Variants in NOVA1 observed in about 807,000 individuals in gnomAD.
NOVA1 encodes the protein NOVA alternative splicing regulator 1.
NOVA1 carries 7 observed loss-of-function variants against 38.0 expected under a neutral mutation model. The observed-to-expected ratio is 0.18, with a 90% CI of 0.10 to 0.35. The LOEUF (loss-of-function observed/expected upper bound fraction) is 0.35, where lower values mean the gene tolerates loss of function less well. NOVA1 is among the 10% of genes least tolerant of loss of function. The pLI, the probability that NOVA1 is intolerant of heterozygous loss-of-function variation, is 1.00. For missense variants in NOVA1, 460 were observed against 616.0 expected (o/e 0.75, Z 2.68); for synonymous variants, 270 against 232.5 (o/e 1.16, Z -1.47).
At chr14:26,549,461 C>A in intron 2 of NOVA1, 2 of 172,132 alleles carry the variant, frequency 1.2e-5, no homozygotes, top group South Asian at 1.4e-4. Context: ...TTGATAAAAG[C>A]ATTTTAGTTT....
At chr14:26,528,025 T>C (rs1889426278) in intron 2 of NOVA1, among the ~76,000 whole-genome samples, 1 of 152,150 alleles carries the variant, frequency 6.6e-6, no homozygotes, top group Admixed American at 6.5e-5. Context: ...GTTCTAAGTG[T>C]GGCAATTCCC....
intron 2 of NOVA1, among the ~76,000 whole-genome samples, chr14:26,518,314 G>C (rs1482983947): frequency 2.6e-5 from 4 of 151,760 alleles, no homozygotes; most frequent in Non-Finnish European, 5.9e-5. Context: ...CTGTAGTTTA[G>C]TACACTTATA....
chr14:26,536,493 T>C (rs1342115648), intron 2 of NOVA1, among the ~76,000 whole-genome samples: 6 of 151,868 alleles, frequency 4.0e-5, no homozygotes, highest in Non-Finnish European at 5.9e-5. Context: ...ATACACCTAA[T>C]ATGTAGCCAT....
chr14:26,575,647 T>C (rs1258449726), intron 2 of NOVA1, among the ~76,000 whole-genome samples: 1 of 152,084 alleles, frequency 6.6e-6, no homozygotes, highest in African/African-American at 2.4e-5. Flanking sequence ...CTTTATCACA[T>C]ATATCAACAA....
chr14:26,573,425 T>G (rs1892613461), intron 2 of NOVA1, among the ~76,000 whole-genome samples: 1 of 151,964 alleles, frequency 6.6e-6, no homozygotes, highest in South Asian at 2.1e-4. Flanking sequence ...TTACCAGAAT[T>G]AAAGAAAGGA....
chr14:26,454,730 A>T (rs1043880243), intron 4 of NOVA1, among the ~76,000 whole-genome samples: 1 of 152,148 alleles, frequency 6.6e-6, no homozygotes, highest in Non-Finnish European at 1.5e-5. Context: ...CTGACATTTC[A>T]TTTTATCTCT....
At chr14:26,565,901 AT>A (rs1253698505) in intron 2 of NOVA1, among the ~76,000 whole-genome samples, 4 of 152,180 alleles carry the variant, frequency 2.6e-5, no homozygotes, top group African/African-American at 9.7e-5. Flanking sequence ...ACAGAAAAAA[AT>A]ATAATGATTC....
chr14:26,597,720 A>G lies in NOVA1; in HGVS notation c.-284T>C, dbSNP rs1447118781. On this transcript the variant is annotated 5_prime_UTR_variant, in exon 1 of 5. Coordinates refer to ENST00000539517, the MANE Select transcript of NOVA1 (RefSeq NM_002515.3). ...AGACGGAGGGTGAAAGAAGAAGAAG[A>G]AAGGAGACAGGGGGAGAGAGTGGAG... The G allele has an allele frequency of 4.6e-5, 50 of 1,085,262 alleles. No homozygotes were observed. The highest frequency in any genetic ancestry group is 5.5e-5 in the Non-Finnish European group (49 of 896,222). The allele number at this position is 1,085,262 out of a possible 1,614,324, so 67.2% of individuals were successfully genotyped here. A position where few individuals can be genotyped will look rare whatever the true frequency, so the allele number is the denominator to read the frequency against.
At chr14:26,462,702 A>T (rs1017038614) in intron 4 of NOVA1, among the ~76,000 whole-genome samples, 1 of 152,162 alleles carries the variant, frequency 6.6e-6, no homozygotes, top group Non-Finnish European at 1.5e-5. Flanking sequence ...CTAGGCCTGA[A>T]GCCTCTCCCC....
chr14:26,533,318 T>C (rs138768479), intron 2 of NOVA1, among the ~76,000 whole-genome samples: 1 of 152,334 alleles, frequency 6.6e-6, no homozygotes, highest in East Asian at 1.9e-4. Flanking sequence ...CATTTTGCGG[T>C]AATGCAATGG....
chr14:26,573,827 G>A (rs1892640383), intron 2 of NOVA1, among the ~76,000 whole-genome samples: 1 of 152,090 alleles, frequency 6.6e-6, no homozygotes, highest in South Asian at 2.1e-4. Flanking sequence ...AACAGCAACA[G>A]AGCTGGCTCA....
intron 2 of NOVA1, among the ~76,000 whole-genome samples, chr14:26,482,548 G>C (rs921562168): frequency 1.3e-5 from 2 of 152,114 alleles, no homozygotes; most frequent in Non-Finnish European, 2.9e-5. Flanking sequence ...GGCTCAATTA[G>C]TATCTAAACT....
At chr14:26,523,150 C>G (rs1889026342) in intron 2 of NOVA1, among the ~76,000 whole-genome samples, 1 of 152,190 alleles carries the variant, frequency 6.6e-6, no homozygotes, top group African/African-American at 2.4e-5. Flanking sequence ...AAATGACTTT[C>G]CTTACTTGGC....
intron 4 of NOVA1, among the ~76,000 whole-genome samples, chr14:26,471,790 C>G (rs541712245): frequency 6.6e-6 from 1 of 151,938 alleles, no homozygotes; most frequent in Non-Finnish European, 1.5e-5. Context: ...AGTTGTTAAA[C>G]ATTAAAATTA....
intron 2 of NOVA1, among the ~76,000 whole-genome samples, chr14:26,570,728 T>A (rs1014561283): frequency 1.3e-5 from 2 of 152,174 alleles, no homozygotes; most frequent in African/African-American, 4.8e-5. Context: ...TCCTGAATTA[T>A]CTTTTAATAG....
intron 2 of NOVA1, among the ~76,000 whole-genome samples, chr14:26,530,426 A>G (rs1040808218): frequency 6.6e-6 from 1 of 152,230 alleles, no homozygotes; most frequent in African/African-American, 2.4e-5. Flanking sequence ...TAATATGTTC[A>G]TTTAGGCTTA....
chr14:26,568,270 G>T (rs1157044650), intron 2 of NOVA1: 1 of 152,026 alleles, frequency 6.6e-6, no homozygotes, highest in Non-Finnish European at 1.5e-5. Context: ...TATACAAAAT[G>T]AACACTACCC....
At chr14:26,488,522 T>A (rs1384240115) in intron 2 of NOVA1, among the ~76,000 whole-genome samples, 1 of 152,168 alleles carries the variant, frequency 6.6e-6, no homozygotes, top group East Asian at 1.9e-4. Flanking sequence ...CAACTGCAAT[T>A]ATTCTCAAAT....
rs1881936673 is a variant in NOVA1, at chr14:26,444,695, T to C, written c.*3264A>G. 6.6e-6 allele frequency: 1 copy of C among 151,964 alleles called. No homozygotes were observed. The highest frequency in any genetic ancestry group is 2.4e-5 in the African/African-American group (1 of 41,364). 9.4% of individuals were successfully genotyped at this position (151,964 alleles called of 1,614,324 possible). ...GTGGGGTGGGTGAAGTGAAGTAGGA[T>C]TGAAAGTCCTACAGGTAATAGCAAT... On this transcript the variant is annotated 3_prime_UTR_variant, in exon 5 of 5. Transcript: ENST00000539517.
Sources: gnomAD v4.1 joint callset for allele counts (sites outside exome capture counted in the v4.1 genomes callset) on GRCh38, gnomAD v4.1.1 for gene constraint, MANE v1.5 for transcripts, NCBI Gene and HGNC (gene_info 2026-07-23, HGNC 2026-07-21) for gene names.